TCF7L2: variants seen among roughly 807,000 people sequenced by gnomAD.
The protein encoded by TCF7L2 is transcription factor 7 like 2, also known as transcription factor 7-like 2.
In TCF7L2, 23 loss-of-function variants were observed where a neutral mutation model predicts 77.9. The observed-to-expected ratio is 0.30, with a 90% CI of 0.21 to 0.42. TCF7L2 has a LOEUF of 0.42. Among genes scored for constraint, TCF7L2 ranks in the 10% least tolerant of loss-of-function variants. The probability of loss-of-function intolerance (pLI) is 1.00; values close to 1 mark genes in which losing one functional copy is unlikely to be tolerated. For synonymous variants in TCF7L2, 413 were observed against 340.2 expected (o/e 1.21, Z -2.36); for missense variants, 654 against 793.1 (o/e 0.82, Z 2.11).
chr10:113,027,005 C>A (rs547625270), intron 4 of TCF7L2, among the ~76,000 whole-genome samples: 1 of 152,116 alleles, frequency 6.6e-6, no homozygotes, highest in Non-Finnish European at 1.5e-5. Context: ...AAGCAGAGAA[C>A]GAGTTGGGTT....
At chr10:113,008,075 A>C (rs2045877213) in intron 4 of TCF7L2, among the ~76,000 whole-genome samples, 2 of 152,134 alleles carry the variant, frequency 1.3e-5, no homozygotes, top group South Asian at 2.1e-4. Flanking sequence ...AGTGAAAGCG[A>C]CCCATCGTCT....
intron 4 of TCF7L2, among the ~76,000 whole-genome samples, chr10:113,034,325 A>G (rs1248793711): frequency 6.6e-6 from 1 of 152,180 alleles, no homozygotes; most frequent in Non-Finnish European, 1.5e-5. Flanking sequence ...TATGAGAATC[A>G]TAATCGTGGT....
At position 113,013,800 on chromosome 10, in the gene TCF7L2, A is replaced by G. The variant is rs932090514; in HGVS notation, c.451-26225A>G. Reference sequence around the variant, plus strand: ...GGTGGGGTCCATCTTTCTGAAAAACAAGTCAGGGACATGTATTGAGATGAT... The same window carrying G: ...GGTGGGGTCCATCTTTCTGAAAAACGAGTCAGGGACATGTATTGAGATGAT... On this transcript the variant is annotated intron_variant, in intron 4 of 13. Transcript: ENST00000627217. Among the ~76,000 whole-genome samples, 3 of 152,180 alleles carry G rather than the reference A, an allele frequency of 2.0e-5. No individual in the cohort carries two copies. The East Asian group carries it at 5.8e-4, about 29-fold the overall frequency.
intron 5 of TCF7L2, among the ~76,000 whole-genome samples, chr10:113,071,615 A>G (rs1272473349): frequency 6.6e-6 from 1 of 152,122 alleles, no homozygotes; most frequent in African/African-American, 2.4e-5. Context: ...GCTGTAGGGA[A>G]TGTTATCAGT....
chr10:113,154,572 C>T (rs1426987212), intron 11 of TCF7L2, among the ~76,000 whole-genome samples: 1 of 152,106 alleles, frequency 6.6e-6, no homozygotes, highest in Admixed American at 6.5e-5. Flanking sequence ...GAAATCTCTA[C>T]AAAGGTACAA....
chr10:112,989,832 C>A (rs1217298470), intron 4 of TCF7L2, among the ~76,000 whole-genome samples: 1 of 152,122 alleles, frequency 6.6e-6, no homozygotes, highest in African/African-American at 2.4e-5. Context: ...GGGGTTCTGG[C>A]TCACCTAGTA....
intron 4 of TCF7L2, among the ~76,000 whole-genome samples, chr10:112,982,504 A>G (rs1018097511): frequency 2.6e-5 from 4 of 152,200 alleles, no homozygotes; most frequent in Non-Finnish European, 4.4e-5. Flanking sequence ...TGCCAAGCTT[A>G]CAAGTGGTGA....
chr10:113,066,979 G>A (rs79545939), intron 5 of TCF7L2, among the ~76,000 whole-genome samples: 2 of 152,216 alleles, frequency 1.3e-5, no homozygotes, highest in Non-Finnish European at 2.9e-5. Context: ...TCTTCAGAAG[G>A]CGATATTAGA....
intron 5 of TCF7L2, among the ~76,000 whole-genome samples, chr10:113,043,663 G>C (rs1468917523): frequency 6.6e-6 from 1 of 151,680 alleles, no homozygotes; most frequent in Non-Finnish European, 1.5e-5. Context: ...TTAGCCACAA[G>C]TTCCAAGACA....
chr10:113,078,975 G>A (rs1367872298), intron 5 of TCF7L2, among the ~76,000 whole-genome samples: 2 of 152,060 alleles, frequency 1.3e-5, no homozygotes, highest in Non-Finnish European at 2.9e-5. Flanking sequence ...TGGGATTACA[G>A]GTGCCTGCCA....
intron 6 of TCF7L2, 92 bp from the exon 7 acceptor site, chr10:113,143,831 G>A (rs1193334004): frequency 2.7e-5 from 23 of 865,206 alleles, no homozygotes; most frequent in South Asian, 5.2e-5. Flanking sequence ...GAAGAGATGC[G>A]TCTCTTCCTC....
At chr10:113,130,124 A>C in intron 5 of TCF7L2, 1 of 714,766 alleles carries the variant, frequency 1.4e-6, no homozygotes, top group South Asian at 3.0e-5. Context: ...CAAAACAAGA[A>C]TAAATGGTCA....
chr10:113,158,199 G>T, intron 12 of TCF7L2, 130 bp downstream of exon 12: 1 of 921,900 alleles, frequency 1.1e-6, no homozygotes, highest in Non-Finnish European at 1.6e-6. Context: ...TTCTTAGCTA[G>T]CCTTTTTGTT....
At position 112,950,665 on chromosome 10, in the gene TCF7L2, TG is replaced by T. The variant is rs200139921; in HGVS notation, c.-85del. ...CTCGTCTTTTTCTTGCAATATTTTT[TG>T]GGGGGGCAAAACTTTTTGGGGGTGA... On this transcript the variant is annotated 5_prime_UTR_variant, in exon 1 of 14. Transcript: ENST00000627217. 29 of 1,437,508 alleles carry T rather than the reference TG, an allele frequency of 2.0e-5. No homozygotes were observed. Among genetic ancestry groups the T allele is most frequent in the Middle Eastern group, 5.0e-4 (2 of 3,996 alleles). The allele number at this position is 1,437,508 out of a possible 1,614,324, so 89.0% of individuals were successfully genotyped here.
chr10:113,096,647 C>T (rs1230640218), intron 5 of TCF7L2, among the ~76,000 whole-genome samples: 1 of 152,084 alleles, frequency 6.6e-6, no homozygotes, highest in Non-Finnish European at 1.5e-5. Context: ...TGTCTGGCCT[C>T]TTCTGTGGGG....
intron 4 of TCF7L2, among the ~76,000 whole-genome samples, chr10:112,992,744 T>C (rs17747324): frequency 0.17 from 26,367 of 151,562 alleles, 2,794 homozygotes; most frequent in Middle Eastern, 0.33. Context: ...CGGAATGCAG[T>C]GTTACTCTCT....
chr10:112,968,618 G>A (rs112614541), intron 4 of TCF7L2, among the ~76,000 whole-genome samples: 6 of 151,914 alleles, frequency 3.9e-5, no homozygotes, highest in Admixed American at 2.6e-4. Flanking sequence ...TCATTCTGTC[G>A]CCCAGGCTGG....
rs35112926 is a variant in TCF7L2, at chr10:113,012,194, T to TG, written c.451-27827dup. 2.0e-3 allele frequency among the ~76,000 whole-genome samples: 308 copies of TG among 152,208 alleles called. 5 individuals carry two copies. In the East Asian group the frequency reaches 0.045, roughly 22 times the overall value. On this transcript the variant is annotated intron_variant, in intron 4 of 13. Coordinates refer to ENST00000627217, the MANE Select transcript of TCF7L2 (RefSeq NM_001146274.2). ...CCCATTCCAACTAGATCAGAACATC[T>TG]GGGGAATGCGAGCCATGCACCAGTA... is the stretch of plus-strand genomic sequence containing the variant.
intron 5 of TCF7L2, among the ~76,000 whole-genome samples, chr10:113,108,626 A>G (rs1404029034): frequency 6.6e-6 from 1 of 152,156 alleles, no homozygotes; most frequent in Admixed American, 6.5e-5. Context: ...AGGTTGGGCA[A>G]GGTCAGCCTA....
Sources: gnomAD v4.1 joint callset for allele counts (sites outside exome capture counted in the v4.1 genomes callset) on GRCh38, gnomAD v4.1.1 for gene constraint, MANE v1.5 for transcripts, NCBI Gene and HGNC (gene_info 2026-07-23, HGNC 2026-07-21) for gene names.